ERBB3: variants seen among roughly 807,000 people sequenced by gnomAD.
The protein encoded by ERBB3 is receptor tyrosine-protein kinase erbB-3.
In ERBB3, 96 loss-of-function variants were observed where a neutral mutation model predicts 156.7. The ratio of observed to expected loss-of-function variants is 0.61; its 90% confidence interval spans 0.52 to 0.73. ERBB3 has a LOEUF of 0.73. Ranked by LOEUF, ERBB3 falls within the 30% of genes least tolerant of loss-of-function variation. The pLI, the probability that ERBB3 is intolerant of heterozygous loss-of-function variation, is 0.00. For missense variants in ERBB3, 1,406 were observed against 1,709.4 expected (o/e 0.82, Z 3.13); for synonymous variants, 567 against 632.0 (o/e 0.90, Z 1.54).
chr12:56,096,229 A>G, intron 17 of ERBB3: 1 of 551,850 alleles, frequency 1.8e-6, no homozygotes, highest in Non-Finnish European at 3.3e-6. Flanking sequence ...TAATAGTACT[A>G]CCAACTCTCC....
At chr12:56,098,653 C>G (rs1019685236) in intron 22 of ERBB3, 78 bp downstream of exon 22, 1 of 1,565,942 alleles carries the variant, frequency 6.4e-7, no homozygotes, top group Non-Finnish European at 8.8e-7. Context: ...CTCTTAGAAT[C>G]TCTAAGCACT....
chr12:56,081,598 C>A (rs2136783332), intron 1 of ERBB3, among the ~76,000 whole-genome samples: 1 of 152,202 alleles, frequency 6.6e-6, no homozygotes, highest in South Asian at 2.1e-4. Context: ...GTATAACTGT[C>A]CCATCCAGAC....
chr12:56,101,170 C>G lies in ERBB3; in HGVS notation c.3311C>G (p.Ser1104Cys). 6.2e-7 allele frequency: 1 copy of G among 1,614,166 alleles called. No homozygotes were observed. The highest frequency in any genetic ancestry group is 8.5e-7 in the Non-Finnish European group (1 of 1,180,032). ...TCATCAGAGGGGCATGTAACAGGCT[C>G]TGAGGCTGAGCTCCAGGAGAAAGTG... is the stretch of plus-strand genomic sequence containing the variant. ...SESSEGHVTGSEAELQEKVSM... is the reference protein window; with the variant it reads ...SESSEGHVTGCEAELQEKVSM... The change falls in exon 27 of 28, where the codon TCT (serine) becomes TGT (cysteine). Residue 1104 changes from serine (S) to cysteine (C), a missense_variant. By Grantham distance (112) the Ser-to-Cys change is moderately radical. Coordinates refer to ENST00000267101, the MANE Select transcript of ERBB3 (RefSeq NM_001982.4).
At position 56,095,100 on chromosome 12, in the gene ERBB3, T is replaced by A. The variant is rs138338331; in HGVS notation, c.1860-157T>A. Among the ~76,000 whole-genome samples the A allele has an allele frequency of 4.9e-3, 749 of 152,270 alleles. 4 individuals carry two copies. Among genetic ancestry groups the A allele is most frequent in the African/African-American group, 0.017 (706 of 41,558 alleles). On this transcript the variant is annotated intron_variant, in intron 15 of 27. Transcript: ENST00000267101. ...CACAGAAGAGGGGCTTGGGGAGAGC[T>A]AGTGAGCTGGAGGTGGAGGCCATGT... is the stretch of plus-strand genomic sequence containing the variant.
chr12:56,088,983 T>C, intron 9 of ERBB3, 115 bp downstream of exon 9: 1 of 1,413,038 alleles, frequency 7.1e-7, no homozygotes, highest in East Asian at 2.3e-5. Flanking sequence ...CATAAAATTC[T>C]AGCCTGTTAC....
Position 56,099,677 on chromosome 12 carries a change from A to G in ERBB3, c.2869A>G (p.Thr957Ala). 6.2e-7 allele frequency: 1 copy of G among 1,614,170 alleles called. No homozygotes were observed. The highest frequency in any genetic ancestry group is 8.5e-7 in the Non-Finnish European group (1 of 1,180,034). The change falls in exon 24 of 28, where the codon ACC becomes GCC. Residue 957 changes from threonine (T) to alanine (A), a missense_variant. By Grantham distance (58) the Thr-to-Ala change is moderately conservative. Transcript: ENST00000267101. ...CWMIDENIRP[T>A]FKELANEFTR... is the part of the protein sequence containing the mutation. The stretch of plus-strand genomic sequence containing the variant: ...GATGATTGATGAGAACATTCGCCCA[A>G]CCTTTAAAGAACTAGCCAATGAGTT...
Position 56,086,591 on chromosome 12 carries a change from T to C in ERBB3, c.482T>C (p.Ile161Thr), listed in dbSNP as rs1868494790. Residue 161 changes from isoleucine (I) to threonine (T), a missense_variant, in exon 4 of 28, where the codon ATT becomes ACT. Transcript: ENST00000267101. The part of the protein sequence containing the change: ...KNDKLCHMDT[I>T]DWRDIVRDRD... Reference sequence around the variant, plus strand: ...GATAAGCTTTGTCACATGGACACAATTGACTGGAGGGACATCGTGAGGGAC... The same window carrying C: ...GATAAGCTTTGTCACATGGACACAACTGACTGGAGGGACATCGTGAGGGAC... 4 of 1,614,042 alleles carry C rather than the reference T, an allele frequency of 2.5e-6. No individual in the cohort carries two copies. Among genetic ancestry groups the C allele is most frequent in the South Asian group, 2.2e-5 (2 of 91,082 alleles).
In ERBB3 at chr12:56,093,709, G is replaced by A. The variant is rs1351387393; in HGVS notation, c.1481-55G>A. 6 of 1,610,998 alleles carry A rather than the reference G, an allele frequency of 3.7e-6. No homozygotes were observed. The African/African-American group carries it at 4.0e-5, about 11-fold the overall frequency. On this transcript the variant is annotated intron_variant, in intron 12 of 27. Transcript: ENST00000267101. ...CAGTAACGAGGAAGAATAATGAAGA[G>A]AGGGCTTGCTGGGAGTCCTCAGACT...
In ERBB3 at chr12:56,096,813, G is replaced by C. The variant is rs760414488; in HGVS notation, c.2241G>C (p.Lys747Asn). ...IPVCIKVIED[K>N]SGRQSFQAVT... is the part of the protein sequence containing the mutation. Reference sequence around the variant, plus strand: ...TCTGCATTAAAGTCATTGAGGACAAGAGTGGACGGCAGAGTTTTCAAGCTG... The same window carrying C: ...TCTGCATTAAAGTCATTGAGGACAACAGTGGACGGCAGAGTTTTCAAGCTG... Residue 747 changes from lysine to asparagine, a missense_variant, in exon 19 of 28, where the codon AAG (lysine) becomes AAC (asparagine). Coordinates refer to ENST00000267101, the MANE Select transcript of ERBB3 (RefSeq NM_001982.4). The C allele has an allele frequency of 5.5e-5, 89 of 1,614,066 alleles. No homozygotes were observed. The highest frequency in any genetic ancestry group is 6.2e-5 in the Non-Finnish European group (73 of 1,179,918).
intron 2 of ERBB3, among the ~76,000 whole-genome samples, chr12:56,084,318 G>A (rs1205178771): frequency 6.6e-6 from 1 of 152,154 alleles, no homozygotes; most frequent in Non-Finnish European, 1.5e-5. Context: ...ATAGGAATTA[G>A]CAAGAGTTAA....
chr12:56,087,049 A>G (rs1270156303), intron 4 of ERBB3, among the ~76,000 whole-genome samples: 1 of 149,878 alleles, frequency 6.7e-6, no homozygotes, highest in Non-Finnish European at 1.5e-5. Flanking sequence ...GAGGCAGAGG[A>G]TTGCTTGAGC....
In ERBB3 at chr12:56,095,903, G is replaced by A; in HGVS notation, c.2055+97G>A. ...TTTTGAGTGGTACCCTGTGCACCCA[G>A]GGGTCAGTGATGGGATAAATGTCAC... On this transcript the variant is annotated intron_variant, in intron 17 of 27. Transcript: ENST00000267101. 4 of 1,329,000 alleles carry A rather than the reference G, an allele frequency of 3.0e-6. No homozygotes were observed. The South Asian group carries it at 4.7e-5, about 16-fold the overall frequency. The allele number at this position is 1,329,000 out of a possible 1,614,324, so 82.3% of individuals were successfully genotyped here. A position where few individuals can be genotyped will look rare whatever the true frequency, so the allele number is the denominator to read the frequency against.
In ERBB3 at chr12:56,085,018, T is replaced by C. The variant is rs201378576; in HGVS notation, c.258T>C (p.Tyr86=). 5.6e-6 allele frequency: 9 copies of C among 1,614,204 alleles called. No individual in the cohort carries two copies. The East Asian group carries it at 2.0e-4, about 36-fold the overall frequency. The change falls in exon 3 of 28, where the codon TAT becomes TAC. Residue 86 remains tyrosine, a synonymous_variant. Transcript: ENST00000267101. The stretch of plus-strand genomic sequence containing the variant: ...AGTGGATTCGAGAAGTGACAGGCTA[T>C]GTCCTCGTGGCCATGAATGAATTCT... The part of the protein sequence containing the change: ...FLQWIREVTG[Y]VLVAMNEFST...
chr12:56,085,929 T>C (rs1199869666), intron 3 of ERBB3, among the ~76,000 whole-genome samples: 5 of 150,816 alleles, frequency 3.3e-5, no homozygotes, highest in African/African-American at 1.2e-4. Flanking sequence ...ATTAGCCAGG[T>C]GTGGTGGCGG....
chr12:56,101,500 C>A lies in ERBB3; in HGVS notation c.3503-29C>A, dbSNP rs137866164. The stretch of plus-strand genomic sequence containing the variant: ...TCCCCTACCCTCATGAAGTTCTTCA[C>A]ATACCTAGCCTTTCTTCTCAACCCC... On this transcript the variant is annotated intron_variant, in intron 27 of 27. Coordinates refer to ENST00000267101, the MANE Select transcript of ERBB3 (RefSeq NM_001982.4). The A allele has an allele frequency of 2.4e-4, 390 of 1,611,676 alleles. 2 individuals carry two copies. The highest frequency in any genetic ancestry group is 1.7e-4 in the Middle Eastern group (1 of 5,786).
intron 23 of ERBB3, 114 bp downstream of exon 23, chr12:56,099,019 A>G: frequency 1.0e-6 from 1 of 1,002,662 alleles, no homozygotes; most frequent in Non-Finnish European, 1.5e-6. Flanking sequence ...CAATGGTGCA[A>G]TCAATCTTGG....
rs1284695654 is a variant in ERBB3 at position 56,098,807 on chromosome 12, G to A, written c.2741G>A (p.Gly914Glu). 1 of 1,614,106 alleles carries A rather than the reference G, an allele frequency of 6.2e-7. No homozygotes were observed. The highest frequency in any genetic ancestry group is 8.5e-7 in the Non-Finnish European group (1 of 1,179,976). Residue 914 changes from glycine to glutamate, a missense_variant, in exon 23 of 28, where the codon GGG (glycine) becomes GAG (glutamate). Coordinates refer to ENST00000267101, the MANE Select transcript of ERBB3 (RefSeq NM_001982.4). ...ACCTTCGGGGCAGAGCCCTATGCAG[G>A]GCTACGATTGGCTGAAGTACCAGAC... ...LMTFGAEPYA[G>E]LRLAEVPDLL...
intron 17 of ERBB3, chr12:56,096,281 G>C: frequency 1.6e-6 from 1 of 609,220 alleles, no homozygotes; most frequent in Non-Finnish European, 2.9e-6. Context: ...CCATCAAAGG[G>C]AAAACCCAAC....
At chr12:56,099,601 G>GGAAT in intron 23 of ERBB3, 47 bp from the exon 24 acceptor site, 1 of 1,539,528 alleles carries the variant, frequency 6.5e-7, no homozygotes, top group Non-Finnish European at 9.0e-7. Context: ...GCCCGGCCAT[G>GGAAT]GAATGTATTC....
Sources: allele counts gnomAD v4.1 joint callset (sites outside exome capture counted in the v4.1 genomes callset), GRCh38; gene constraint gnomAD v4.1.1; transcripts MANE v1.5; gene names NCBI Gene and HGNC (gene_info 2026-07-23, HGNC 2026-07-21).